GPC5: variants seen among roughly 807,000 people sequenced by gnomAD.
GPC5 encodes the protein glypican-5.
A neutral mutation model predicts 53.9 loss-of-function variants in GPC5; 47 were observed. The observed-to-expected ratio is 0.87, with a 90% CI of 0.69 to 1.11. The LOEUF (loss-of-function observed/expected upper bound fraction) is 1.11. Ranked by LOEUF, GPC5 falls within the 50% of genes most tolerant of loss-of-function variation. The pLI, the probability that GPC5 is intolerant of heterozygous loss-of-function variation, is 0.00. For missense variants in GPC5, 748 were observed against 713.1 expected, an observed-to-expected ratio of 1.05 and a Z score of -0.56; for synonymous variants, 286 against 263.3, an observed-to-expected ratio of 1.09 and a Z score of -0.84.
intron 2 of GPC5, among the ~76,000 whole-genome samples, chr13:91,670,360 A>G (rs1001776917): frequency 3.3e-5 from 5 of 152,190 alleles, no homozygotes; most frequent in African/African-American, 9.7e-5. Flanking sequence ...ACACGAATGT[A>G]TAGACCAGGG....
At chr13:92,701,046 AGAC>A (rs1887720271) in intron 7 of GPC5, among the ~76,000 whole-genome samples, 1 of 152,100 alleles carries the variant, frequency 6.6e-6, no homozygotes, top group African/African-American at 2.4e-5. Flanking sequence ...TTTACACTTA[AGAC>A]TTTGACATCA....
chr13:91,410,664 A>C (rs1483857474), intron 1 of GPC5, among the ~76,000 whole-genome samples: 1 of 152,120 alleles, frequency 6.6e-6, no homozygotes, highest in East Asian at 1.9e-4. Flanking sequence ...TCTTAATGGA[A>C]TATCAAAGTT....
chr13:92,500,578 G>A (rs755679315), intron 7 of GPC5, among the ~76,000 whole-genome samples: 1 of 152,074 alleles, frequency 6.6e-6, no homozygotes. Context: ...CTATCCTGAG[G>A]CTTTTGCAAA....
chr13:92,261,171 A>G (rs545206343), intron 7 of GPC5, among the ~76,000 whole-genome samples: 1 of 152,320 alleles, frequency 6.6e-6, no homozygotes, highest in Non-Finnish European at 1.5e-5. Context: ...GTATTATTAA[A>G]TGGAAAAACT....
chr13:91,615,418 C>T (rs2033668445), intron 2 of GPC5, among the ~76,000 whole-genome samples: 2 of 152,000 alleles, frequency 1.3e-5, no homozygotes, highest in Admixed American at 1.3e-4. Context: ...ATTCTATTGA[C>T]AAGAAAAAAA....
chr13:92,112,194 T>C (rs2041562707), intron 6 of GPC5, among the ~76,000 whole-genome samples: 1 of 152,118 alleles, frequency 6.6e-6, no homozygotes, highest in African/African-American at 2.4e-5. Flanking sequence ...AGTTAGAGAA[T>C]TTAGAAATGA....
At chr13:91,975,024 A>G (rs1352165360) in intron 6 of GPC5, among the ~76,000 whole-genome samples, 1 of 152,262 alleles carries the variant, frequency 6.6e-6, no homozygotes, top group Non-Finnish European at 1.5e-5. Context: ...TGGGGAAAGG[A>G]TTCCCTATTT....
chr13:91,579,568 T>G (rs2032269692), intron 2 of GPC5, among the ~76,000 whole-genome samples: 2 of 152,026 alleles, frequency 1.3e-5, no homozygotes, highest in African/African-American at 4.8e-5. Flanking sequence ...TTCTTACTCC[T>G]TAAGCTCTTA....
chr13:91,590,139 A>G (rs983277078), intron 2 of GPC5, among the ~76,000 whole-genome samples: 2 of 151,770 alleles, frequency 1.3e-5, no homozygotes, highest in African/African-American at 2.4e-5. Context: ...TTAGAAAATA[A>G]GAAAAAGTTC....
At chr13:91,814,264 A>C (rs2138813144) in intron 5 of GPC5, among the ~76,000 whole-genome samples, 1 of 152,120 alleles carries the variant, frequency 6.6e-6, no homozygotes, top group South Asian at 2.1e-4. Context: ...TTCAGGGATA[A>C]CTTATGTACT....
intron 2 of GPC5, among the ~76,000 whole-genome samples, chr13:91,500,758 T>C (rs1243407178): frequency 6.6e-6 from 1 of 152,206 alleles, no homozygotes; most frequent in Non-Finnish European, 1.5e-5. Flanking sequence ...CAGACTGATA[T>C]GGTTTGGCTG....
chr13:91,978,578 T>C (rs1409210987), intron 6 of GPC5, among the ~76,000 whole-genome samples: 2 of 152,172 alleles, frequency 1.3e-5, no homozygotes, highest in Admixed American at 6.5e-5. Context: ...CTAGCTGACA[T>C]TTGATTTGTT....
At chr13:91,433,306 C>T (rs1038686150) in intron 1 of GPC5, among the ~76,000 whole-genome samples, 38 of 151,390 alleles carry the variant, frequency 2.5e-4, no homozygotes, top group Non-Finnish European at 4.9e-4. Context: ...CCCAGTAACT[C>T]GTCATTTAAC....
intron 6 of GPC5, among the ~76,000 whole-genome samples, chr13:92,048,034 A>G (rs1348620627): frequency 6.6e-6 from 1 of 151,840 alleles, no homozygotes; most frequent in Non-Finnish European, 1.5e-5. Context: ...TTGGAATATA[A>G]TAGTTCAACT....
intron 7 of GPC5, among the ~76,000 whole-genome samples, chr13:92,200,094 A>T (rs1158079361): frequency 6.6e-6 from 1 of 152,182 alleles, no homozygotes; most frequent in Non-Finnish European, 1.5e-5. Flanking sequence ...TGTTTTGATT[A>T]TGTAAGAACA....
chr13:92,154,910 A>C (rs1437844252), intron 7 of GPC5, among the ~76,000 whole-genome samples: 3 of 152,230 alleles, frequency 2.0e-5, no homozygotes, highest in Non-Finnish European at 2.9e-5. Context: ...ACATTATCTG[A>C]ATAATACTAA....
At chr13:91,597,336 A>G (rs1030108969) in intron 2 of GPC5, among the ~76,000 whole-genome samples, 2 of 152,190 alleles carry the variant, frequency 1.3e-5, no homozygotes, top group African/African-American at 2.4e-5. Flanking sequence ...CATTTGTGGC[A>G]TAGATTAACT....
At chr13:92,332,081 G>T (rs1566542550) in intron 7 of GPC5, among the ~76,000 whole-genome samples, 1 of 152,126 alleles carries the variant, frequency 6.6e-6, no homozygotes, top group Non-Finnish European at 1.5e-5. Context: ...GCTAACATCA[G>T]CAGTCTCCTC....
rs2031392835 is a variant in GPC5 at position 91,563,672 on chromosome 13, A to G, written c.325+114750A>G. ...AATGTACATACACATGCTCTTTGAT[A>G]TCTACATGTGAAATCAGGGTGGGAC... is the stretch of plus-strand genomic sequence containing the variant. On this transcript the variant is annotated intron_variant, in intron 2 of 7. Coordinates refer to ENST00000377067, the MANE Select transcript of GPC5 (RefSeq NM_004466.6). Among the ~76,000 whole-genome samples the G allele has an allele frequency of 1.3e-5, 2 of 152,196 alleles. 1 individual carries two copies. The highest frequency in any genetic ancestry group is 1.3e-4 in the Admixed American group (2 of 15,266).
Sources: allele counts gnomAD v4.1 joint callset (sites outside exome capture counted in the v4.1 genomes callset), GRCh38; gene constraint gnomAD v4.1.1; transcripts MANE v1.5; gene names NCBI Gene and HGNC (gene_info 2026-07-23, HGNC 2026-07-21).